LRRTM4: variants seen among roughly 807,000 people sequenced by gnomAD.
LRRTM4 encodes leucine-rich repeat transmembrane neuronal protein 4.
A neutral mutation model predicts 47.6 loss-of-function variants in LRRTM4; 25 were observed. The ratio of observed to expected loss-of-function variants is 0.53; its 90% CI spans 0.38 to 0.73. The LOEUF is 0.73. LRRTM4 is among the 30% of genes least tolerant of loss of function. LRRTM4 has a pLI of 0.00. For synonymous variants in LRRTM4, 311 were observed against 269.5 expected, an observed-to-expected ratio of 1.15 and a Z score of -1.51; for missense variants, 638 against 713.4, an observed-to-expected ratio of 0.89 and a Z score of 1.20.
At chr2:77,045,771 A>C (rs1264364808) in intron 3 of LRRTM4, among the ~76,000 whole-genome samples, 1 of 151,828 alleles carries the variant, frequency 6.6e-6, no homozygotes, top group African/African-American at 2.4e-5. Context: ...TTCTTTTGTA[A>C]ATTGCTCAGT....
chr2:76,822,118 C>T (rs1359638402), intron 3 of LRRTM4, among the ~76,000 whole-genome samples: 1 of 151,344 alleles, frequency 6.6e-6, no homozygotes, highest in Non-Finnish European at 1.5e-5. Context: ...AACAGAGATC[C>T]TATCTCTGGA....
chr2:77,207,671 G>A (rs1287060649), intron 3 of LRRTM4, among the ~76,000 whole-genome samples: 1 of 151,500 alleles, frequency 6.6e-6, no homozygotes, highest in Non-Finnish European at 1.5e-5. Flanking sequence ...TGACAATTCT[G>A]GATGGTATGT....
intron 3 of LRRTM4, among the ~76,000 whole-genome samples, chr2:76,764,897 C>T (rs1010803043): frequency 1.3e-5 from 2 of 152,154 alleles, no homozygotes; most frequent in Non-Finnish European, 2.9e-5. Flanking sequence ...ACTGATTGCT[C>T]CTTGGTTTCA....
intron 3 of LRRTM4, among the ~76,000 whole-genome samples, chr2:77,358,742 C>T (rs113900141): frequency 9.2e-5 from 14 of 152,176 alleles, no homozygotes; most frequent in East Asian, 3.9e-4. Flanking sequence ...CTTATGGCTT[C>T]GGTAACAGAT....
chr2:77,320,755 T>C (rs895945586), intron 3 of LRRTM4, among the ~76,000 whole-genome samples: 1 of 152,042 alleles, frequency 6.6e-6, no homozygotes, highest in African/African-American at 2.4e-5. Context: ...TTTAAAAATA[T>C]TAAATACACA....
intron 3 of LRRTM4, among the ~76,000 whole-genome samples, chr2:76,887,613 ATATATGATACACACTG>A (rs986634214): frequency 6.7e-6 from 1 of 150,266 alleles, no homozygotes; most frequent in Admixed American, 6.6e-5. Flanking sequence ...CACATATATG[ATATATGATACACACTG>A]TATATGATAT....
At chr2:77,150,153 T>C in intron 3 of LRRTM4, among the ~76,000 whole-genome samples, 1 of 148,302 alleles carries the variant, frequency 6.7e-6, no homozygotes, top group East Asian at 1.9e-4. Flanking sequence ...TGTGCAAAAC[T>C]GAAAAAAAAA....
chr2:76,884,041 A>C (rs539928313), intron 3 of LRRTM4, among the ~76,000 whole-genome samples: 34 of 151,254 alleles, frequency 2.2e-4, no homozygotes, highest in African/African-American at 7.5e-4. Context: ...GCTGGTCTCC[A>C]ACTCCTGGCT....
At chr2:76,938,779 T>A (rs1675041325) in intron 3 of LRRTM4, among the ~76,000 whole-genome samples, 1 of 152,162 alleles carries the variant, frequency 6.6e-6, no homozygotes, top group Non-Finnish European at 1.5e-5. Flanking sequence ...TTATAATATA[T>A]CACTGAAAAA....
At chr2:76,836,531 T>C (rs1351996293) in intron 3 of LRRTM4, among the ~76,000 whole-genome samples, 1 of 151,960 alleles carries the variant, frequency 6.6e-6, no homozygotes, top group Non-Finnish European at 1.5e-5. Context: ...TCGCCATTTT[T>C]AGTTGTAAAG....
At chr2:77,394,800 C>T (rs895242163) in intron 3 of LRRTM4, among the ~76,000 whole-genome samples, 3 of 151,906 alleles carry the variant, frequency 2.0e-5, no homozygotes, top group East Asian at 1.9e-4. Context: ...CGAAGGCATT[C>T]AAGAGTGCAG....
At chr2:77,406,486 G>A (rs1674191057) in intron 3 of LRRTM4, among the ~76,000 whole-genome samples, 1 of 151,850 alleles carries the variant, frequency 6.6e-6, no homozygotes, top group African/African-American at 2.4e-5. Context: ...TCCTTTTTTA[G>A]AGACAAGGTC....
chr2:77,013,485 TGAGA>T (rs1366328386), intron 3 of LRRTM4, among the ~76,000 whole-genome samples: 13 of 145,462 alleles, frequency 8.9e-5, no homozygotes, highest in Non-Finnish European at 1.8e-4. Context: ...CAGCCAAGCC[TGAGA>T]GAGTCTGAAA....
chr2:77,486,273 T>C (rs776352892), intron 3 of LRRTM4, among the ~76,000 whole-genome samples: 26 of 152,208 alleles, frequency 1.7e-4, no homozygotes, highest in Non-Finnish European at 3.4e-4. Flanking sequence ...AACTAATGGA[T>C]TTAGAAAATA....
At chr2:76,971,206 A>T (rs1008757789) in intron 3 of LRRTM4, among the ~76,000 whole-genome samples, 2 of 151,992 alleles carry the variant, frequency 1.3e-5, no homozygotes, top group Non-Finnish European at 2.9e-5. Context: ...TGTTCTGAGG[A>T]TCATCTGTAT....
intron 3 of LRRTM4, among the ~76,000 whole-genome samples, chr2:77,240,009 C>T (rs982790436): frequency 6.6e-6 from 1 of 151,710 alleles, no homozygotes; most frequent in Non-Finnish European, 1.5e-5. Flanking sequence ...CATGTAACAT[C>T]TATCAAGATA....
intron 3 of LRRTM4, among the ~76,000 whole-genome samples, chr2:76,978,897 A>G (rs1297630460): frequency 6.6e-6 from 1 of 152,042 alleles, no homozygotes; most frequent in South Asian, 2.1e-4. Flanking sequence ...GAGGTTACAG[A>G]AATGAAGGGA....
intron 3 of LRRTM4, among the ~76,000 whole-genome samples, chr2:76,792,301 C>A (rs1212277317): frequency 1.3e-5 from 2 of 151,876 alleles, no homozygotes; most frequent in Non-Finnish European, 2.9e-5. Flanking sequence ...AAGTCATAGG[C>A]TGCCACTTTA....
chr2:77,397,479 A>T (rs1673748812), intron 3 of LRRTM4, among the ~76,000 whole-genome samples: 1 of 151,832 alleles, frequency 6.6e-6, no homozygotes, highest in African/African-American at 2.4e-5. Flanking sequence ...GGTGATTATG[A>T]CCTGGTCAAA....
Sources: gnomAD v4.1 joint callset for allele counts (sites outside exome capture counted in the v4.1 genomes callset) on GRCh38, gnomAD v4.1.1 for gene constraint, MANE v1.5 for transcripts, NCBI Gene and HGNC (gene_info 2026-07-23, HGNC 2026-07-21) for gene names.